The following KCNJ15 variants were observed in gnomAD, a reference collection of about 807,000 sequenced individuals.
KCNJ15 encodes potassium inwardly rectifying channel subfamily J member 15, also known as ATP-sensitive inward rectifier potassium channel 15.
Under a neutral mutation model 23.0 loss-of-function variants are expected in KCNJ15, and 14 were observed. The observed-to-expected ratio is 0.61, with a 90% CI of 0.40 to 0.95. KCNJ15 has a LOEUF of 0.95. Among genes scored for constraint, KCNJ15 ranks in the 40% least tolerant of loss-of-function variants. The pLI is 0.00. For synonymous variants in KCNJ15, 185 were observed against 183.2 expected, an observed-to-expected ratio of 1.01 and a Z score of -0.08; for missense variants, 388 against 461.8, an observed-to-expected ratio of 0.84 and a Z score of 1.46.
At chr21:38,249,063 C>T (rs916384294) in intron 1 of KCNJ15, among the ~76,000 whole-genome samples, 7 of 152,108 alleles carry the variant, frequency 4.6e-5, no homozygotes, top group African/African-American at 1.7e-4. Context: ...ACATTTCTCC[C>T]TTGCACCCCC....
upstream of KCNJ15, among the ~76,000 whole-genome samples, chr21:38,254,023 T>A (rs1453672342): frequency 1.3e-5 from 2 of 152,254 alleles, no homozygotes; most frequent in African/African-American, 4.8e-5. Flanking sequence ...ACACTAGATT[T>A]CCCACTTTAC....
chr21:38,237,980 G>A (rs1978729967), intron 1 of KCNJ15: 1 of 191,874 alleles, frequency 5.2e-6, no homozygotes, highest in South Asian at 9.7e-5. Flanking sequence ...TAACAATAAC[G>A]ATAGAAAGCA....
upstream of KCNJ15, among the ~76,000 whole-genome samples, chr21:38,256,038 C>T (rs60342482): frequency 0.012 from 1,834 of 152,194 alleles, 42 homozygotes; most frequent in African/African-American, 0.042. Flanking sequence ...CATTCCATCT[C>T]TTAGGATTGA....
At position 38,300,490 on chromosome 21, in the gene KCNJ15, C is replaced by T. The variant is rs1985683882; in HGVS notation, c.*101C>T. On this transcript the variant is annotated 3_prime_UTR_variant, in exon 3 of 3. Transcript: ENST00000398938. ...GTGAAAACGAAAATGTGTAGACGCA[C>T]TCTCAAAAACTGCACGGACATACAA... The T allele has an allele frequency of 2.1e-6, 2 of 930,408 alleles. No individual in the cohort carries two copies. Among genetic ancestry groups the T allele is most frequent in the South Asian group, 1.7e-5 (1 of 57,494 alleles). The allele number at this position is 930,408 out of a possible 1,614,324, so 57.6% of individuals were successfully genotyped here. A position where few individuals can be genotyped will look rare whatever the true frequency, so the allele number is the denominator to read the frequency against.
intron 1 of KCNJ15, among the ~76,000 whole-genome samples, chr21:38,295,639 G>C (rs970837342): frequency 1.3e-5 from 2 of 152,012 alleles, no homozygotes; most frequent in Non-Finnish European, 2.9e-5. Flanking sequence ...TTGGAAAACT[G>C]TTATTGTTGC....
At chr21:38,235,699 T>C (rs1163630879) in intron 1 of KCNJ15, among the ~76,000 whole-genome samples, 2 of 152,240 alleles carry the variant, frequency 1.3e-5, no homozygotes. Context: ...CCTGTTTTTT[T>C]CTTTGTTTTG....
chr21:38,263,071 T>A (rs1272282926), intron 1 of KCNJ15, among the ~76,000 whole-genome samples: 2 of 152,152 alleles, frequency 1.3e-5, no homozygotes, highest in Non-Finnish European at 2.9e-5. Flanking sequence ...ATAATCTGAT[T>A]ACGGAAGACT....
intron 1 of KCNJ15, among the ~76,000 whole-genome samples, chr21:38,241,741 C>T (rs370714312): frequency 3.9e-5 from 6 of 152,080 alleles, no homozygotes; most frequent in South Asian, 2.1e-4. Flanking sequence ...CCAAGGAGGG[C>T]GGATTGCTTG....
chr21:38,299,360 T>C lies in KCNJ15; in HGVS notation c.99T>C (p.Ser33=). 6.2e-7 allele frequency: 1 copy of C among 1,613,952 alleles called. No individual in the cohort carries two copies. Residue 33 remains serine (S), a synonymous_variant, in exon 3 of 3, where the codon AGT becomes AGC. Coordinates refer to ENST00000398938, the MANE Select transcript of KCNJ15 (RefSeq NM_170736.3). This position sits in a 1 kb window ranked among gnomAD's most constrained non-coding sequence, Gnocchi z 4.5. ...KANRPRVMSK[S]GHSNVRIDKV... is the part of the protein sequence containing the mutation. ...ACAGACCCCGCGTCATGTCCAAGAG[T>C]GGGCACAGCAACGTGAGAATTGACA...
At chr21:38,269,615 G>A (rs916107796) in intron 1 of KCNJ15, among the ~76,000 whole-genome samples, 1 of 152,184 alleles carries the variant, frequency 6.6e-6, no homozygotes, top group African/African-American at 2.4e-5. Flanking sequence ...TCTGGAATTT[G>A]GGTGGGTCTA....
Position 38,302,628 on chromosome 21 carries a change from A to G in KCNJ15, c.*2239A>G, listed in dbSNP as rs922678059. 20 of 152,224 alleles carry G rather than the reference A, an allele frequency of 1.3e-4. No individual in the cohort carries two copies. Among genetic ancestry groups the G allele is most frequent in the African/African-American group, 4.8e-4 (20 of 41,460 alleles). The allele number at this position is 152,224 out of a possible 1,614,324, so 9.4% of individuals were successfully genotyped here. ...TTTTACTGTATAGTGTGGTATAATCAACAAAAAATAATGCCACGGGCATGT... is the reference window on the plus strand; with the variant it reads ...TTTTACTGTATAGTGTGGTATAATCGACAAAAAATAATGCCACGGGCATGT... On this transcript the variant is annotated 3_prime_UTR_variant, in exon 3 of 3. Coordinates refer to ENST00000398938, the MANE Select transcript of KCNJ15 (RefSeq NM_170736.3).
intron 1 of KCNJ15, among the ~76,000 whole-genome samples, chr21:38,267,798 G>A (rs1981619882): frequency 6.6e-6 from 1 of 152,200 alleles, no homozygotes; most frequent in African/African-American, 2.4e-5. Context: ...CCTATTAATG[G>A]TTAATGTTTC....
chr21:38,276,229 C>G (rs1015981642), intron 1 of KCNJ15, among the ~76,000 whole-genome samples: 2 of 151,864 alleles, frequency 1.3e-5, no homozygotes, highest in Non-Finnish European at 1.5e-5. Flanking sequence ...CTCACCTTTA[C>G]GTATTTCAAA....
At chr21:38,251,604 C>G (rs1304204950) in intron 1 of KCNJ15, among the ~76,000 whole-genome samples, 1 of 152,220 alleles carries the variant, frequency 6.6e-6, no homozygotes. Context: ...CAAATGTGCA[C>G]TCAGTGCTAA....
intron 1 of KCNJ15, among the ~76,000 whole-genome samples, chr21:38,287,778 A>C (rs1446358028): frequency 1.3e-5 from 2 of 152,166 alleles, no homozygotes; most frequent in Non-Finnish European, 2.9e-5. Flanking sequence ...TTTTGATTGA[A>C]TGTGAAGATA....
At chr21:38,282,022 T>C (rs1983403160) in intron 1 of KCNJ15, among the ~76,000 whole-genome samples, 2 of 152,204 alleles carry the variant, frequency 1.3e-5, no homozygotes, top group Non-Finnish European at 2.9e-5. Flanking sequence ...TGATTAGTGA[T>C]GCTGAGCATT....
At chr21:38,282,171 T>G (rs9975143) in intron 1 of KCNJ15, among the ~76,000 whole-genome samples, 1 of 152,120 alleles carries the variant, frequency 6.6e-6, no homozygotes, top group African/African-American at 2.4e-5. Context: ...TTTTAAAATA[T>G]GTATAAGATA....
chr21:38,239,204 AAGG>A (rs1194130150), intron 1 of KCNJ15, among the ~76,000 whole-genome samples: 1 of 152,228 alleles, frequency 6.6e-6, no homozygotes. Context: ...ACTTACCTCT[AAGG>A]ATTCAACCAG....
At chr21:38,264,387 C>T (rs7275784) in intron 1 of KCNJ15, among the ~76,000 whole-genome samples, 50,611 of 152,154 alleles carry the variant, frequency 0.33, 10,832 homozygotes, top group Non-Finnish European at 0.5. Context: ...TCCCCATTCC[C>T]GGAGATAGCT....
Sources: allele counts gnomAD v4.1 joint callset (sites outside exome capture counted in the v4.1 genomes callset), GRCh38; gene constraint gnomAD v4.1.1; non-coding constraint Gnocchi (gnomAD v3.1); transcripts MANE v1.5; gene names NCBI Gene and HGNC (gene_info 2026-07-23, HGNC 2026-07-21).